ZFAND3: variants seen among roughly 807,000 people sequenced by gnomAD.
ZFAND3 encodes AN1-type zinc finger protein 3.
Under a neutral mutation model 29.6 loss-of-function variants are expected in ZFAND3, and 10 were observed. The observed-to-expected ratio is 0.34, with a 90% CI of 0.21 to 0.57. ZFAND3 has a LOEUF of 0.57. Among genes scored for constraint, ZFAND3 ranks in the 20% least tolerant of loss-of-function variants. The pLI, the probability that ZFAND3 is intolerant of heterozygous loss-of-function variation, is 0.86. For missense variants in ZFAND3, 230 were observed against 304.5 expected, an observed-to-expected ratio of 0.76 and a Z score of 1.82; for synonymous variants, 128 against 112.6, an observed-to-expected ratio of 1.14 and a Z score of -0.87.
At chr6:38,094,504 T>A (rs1764939202) in intron 4 of ZFAND3, among the ~76,000 whole-genome samples, 1 of 152,172 alleles carries the variant, frequency 6.6e-6, no homozygotes, top group Admixed American at 6.5e-5. Flanking sequence ...CTCTTGACAG[T>A]TTTAGTACCT....
In ZFAND3 at chr6:37,840,057, T is replaced by G. The variant is rs1165366339; in HGVS notation, c.71+20041T>G. 3.9e-5 allele frequency among the ~76,000 whole-genome samples: 6 copies of G among 152,324 alleles called. No individual in the cohort carries two copies. In the South Asian group the frequency reaches 6.2e-4, roughly 16 times the overall value. Reference sequence around the variant, plus strand: ...AATATTTACACTATGTTTTCTCTAATAGTTTTACAGTTTTAGCTCTTATTT... The same window carrying G: ...AATATTTACACTATGTTTTCTCTAAGAGTTTTACAGTTTTAGCTCTTATTT... On this transcript the variant is annotated intron_variant, in intron 1 of 5. Coordinates refer to ENST00000287218, the MANE Select transcript of ZFAND3 (RefSeq NM_021943.3).
At position 37,950,363 on chromosome 6, in the gene ZFAND3, A is replaced by T. The variant is rs58750581; in HGVS notation, c.112+20364A>T. On this transcript the variant is annotated intron_variant, in intron 2 of 5. Transcript: ENST00000287218. The stretch of plus-strand genomic sequence containing the variant: ...TAAATTGGGAGTCCTTTTTCCATTA[A>T]TGTTTTTGTTGACTTGTTTTTTTTT... Among the ~76,000 whole-genome samples the T allele has an allele frequency of 2.7e-5, 4 of 150,718 alleles. No individual in the cohort carries two copies. In the East Asian group the frequency reaches 7.7e-4, roughly 29 times the overall value.
chr6:38,144,494 C>T (rs1309549419), intron 5 of ZFAND3, among the ~76,000 whole-genome samples: 1 of 152,150 alleles, frequency 6.6e-6, no homozygotes, highest in African/African-American at 2.4e-5. Flanking sequence ...GGCCCCATCA[C>T]TGTGCTGCGC....
rs145233708 is a variant in ZFAND3, at chr6:38,087,907, A to G, written c.361+5450A>G. 2.6e-5 allele frequency among the ~76,000 whole-genome samples: 4 copies of G among 152,222 alleles called. No homozygotes were observed. The East Asian group carries it at 7.7e-4, about 29-fold the overall frequency. ...CCATATATATTGCAGCACTATTCAC[A>G]ATAGCTAAGAATGTTTCCAGCATGA... On this transcript the variant is annotated intron_variant, in intron 4 of 5. Transcript: ENST00000287218.
intron 2 of ZFAND3, among the ~76,000 whole-genome samples, chr6:38,047,010 G>A (rs980262451): frequency 1.3e-5 from 2 of 151,938 alleles, no homozygotes; most frequent in Non-Finnish European, 1.5e-5. Context: ...ATTATAATTA[G>A]TAATGGCTAT....
At chr6:37,933,241 TCTTTTCAAGATTC>T (rs1185865044) in intron 2 of ZFAND3, among the ~76,000 whole-genome samples, 1 of 152,270 alleles carries the variant, frequency 6.6e-6, no homozygotes, top group Non-Finnish European at 1.5e-5. Flanking sequence ...TTAAACATTT[TCTTTTCAAGATTC>T]CTTTTCAAAA....
In ZFAND3 at chr6:38,082,331, G is replaced by A. The variant is rs1488577849; in HGVS notation, c.296-61G>A. On this transcript the variant is annotated intron_variant, in intron 3 of 5. Coordinates refer to ENST00000287218, the MANE Select transcript of ZFAND3 (RefSeq NM_021943.3). ...TTAAAGTTTCTCTTTACTCAGGAAA[G>A]CAACTATATGGGCATGTAAAGGATG... 3 of 1,444,546 alleles carry A rather than the reference G, an allele frequency of 2.1e-6. No homozygotes were observed. In the African/African-American group the frequency reaches 4.3e-5, roughly 21 times the overall value. 89.5% of individuals were successfully genotyped at this position (1,444,546 alleles called of 1,614,324 possible).
intron 2 of ZFAND3, among the ~76,000 whole-genome samples, chr6:37,942,018 G>A (rs972967895): frequency 1.2e-4 from 19 of 152,256 alleles, no homozygotes; most frequent in African/African-American, 3.8e-4. Flanking sequence ...ATACTCCTGA[G>A]CTGTTAATTT....
chr6:37,998,623 C>T (rs903051845), intron 2 of ZFAND3, among the ~76,000 whole-genome samples: 1 of 152,048 alleles, frequency 6.6e-6, no homozygotes, highest in South Asian at 2.1e-4. Context: ...AGAACCTGCA[C>T]CTGAGTATTG....
At chr6:38,099,040 T>C (rs1561998443) in intron 4 of ZFAND3, among the ~76,000 whole-genome samples, 2 of 152,288 alleles carry the variant, frequency 1.3e-5, no homozygotes, top group South Asian at 4.2e-4. Flanking sequence ...CAAGCTTGCC[T>C]TTTAAAAACA....
chr6:37,948,268 G>A (rs1237444654), intron 2 of ZFAND3, among the ~76,000 whole-genome samples: 1 of 152,146 alleles, frequency 6.6e-6, no homozygotes, highest in Non-Finnish European at 1.5e-5. Flanking sequence ...CATGTGTTTT[G>A]AAGCTGTCTT....
At chr6:37,904,388 A>G (rs1765372330) in intron 1 of ZFAND3, among the ~76,000 whole-genome samples, 1 of 152,162 alleles carries the variant, frequency 6.6e-6, no homozygotes, top group African/African-American at 2.4e-5. Flanking sequence ...GATGCATTTA[A>G]TCACCATTCC....
intron 1 of ZFAND3, among the ~76,000 whole-genome samples, chr6:37,869,742 G>A (rs770010554): frequency 1.3e-4 from 19 of 151,022 alleles, no homozygotes; most frequent in Non-Finnish European, 2.1e-4. Flanking sequence ...CGAACTCCTG[G>A]CCTCTAGTGA....
chr6:38,003,425 G>A (rs1056482091), intron 2 of ZFAND3: 7 of 161,094 alleles, frequency 4.3e-5, no homozygotes, highest in African/African-American at 1.7e-4. Context: ...AAAACAGCTT[G>A]TACATTGTAT....
At chr6:37,865,697 C>T (rs1764577458) in intron 1 of ZFAND3, among the ~76,000 whole-genome samples, 1 of 152,144 alleles carries the variant, frequency 6.6e-6, no homozygotes, top group South Asian at 2.1e-4. Flanking sequence ...GTTGTAGACT[C>T]AGGACACGAA....
In ZFAND3 at chr6:38,071,065, TTA is replaced by T. The variant is rs138964435; in HGVS notation, c.295+9306_295+9307del. ...TTCTTACTGATTTGTAGGAATTCTTTTATATATATATATATATGTAACAAATT... is the reference window on the plus strand; with the variant it reads ...TTCTTACTGATTTGTAGGAATTCTTTTATATATATATATATGTAACAAATT... On this transcript the variant is annotated intron_variant, in intron 3 of 5. Coordinates refer to ENST00000287218, the MANE Select transcript of ZFAND3 (RefSeq NM_021943.3). Among the ~76,000 whole-genome samples, 313 of 148,746 alleles carry T rather than the reference TTA, an allele frequency of 2.1e-3. 2 individuals are homozygous for T. Among genetic ancestry groups the T allele is most frequent in the East Asian group, 0.018 (92 of 5,116 alleles).
At chr6:37,858,130 T>A (rs1158555679) in intron 1 of ZFAND3, among the ~76,000 whole-genome samples, 1 of 152,154 alleles carries the variant, frequency 6.6e-6, no homozygotes, top group African/African-American at 2.4e-5. Flanking sequence ...TTGCTAACAT[T>A]CCTGTGTAGT....
At chr6:37,839,431 C>T (rs1325304606) in intron 1 of ZFAND3, among the ~76,000 whole-genome samples, 4 of 152,102 alleles carry the variant, frequency 2.6e-5, no homozygotes, top group African/African-American at 7.2e-5. Flanking sequence ...ATCTGCCTGC[C>T]TTGGCCTCCC....
At chr6:37,878,633 G>A (rs1463112240) in intron 1 of ZFAND3, among the ~76,000 whole-genome samples, 2 of 152,220 alleles carry the variant, frequency 1.3e-5, no homozygotes, top group African/African-American at 2.4e-5. Context: ...TCCTCTGCTG[G>A]CCGAGGCAGT....
Sources: allele counts gnomAD v4.1 joint callset (sites outside exome capture counted in the v4.1 genomes callset), GRCh38; gene constraint gnomAD v4.1.1; transcripts MANE v1.5; gene names NCBI Gene and HGNC (gene_info 2026-07-23, HGNC 2026-07-21).